Variants in GRIN2A observed in about 807,000 individuals in gnomAD.
GRIN2A encodes glutamate receptor ionotropic, NMDA 2A.
A neutral mutation model predicts 113.4 loss-of-function variants in GRIN2A; 22 were observed. The ratio of observed to expected loss-of-function variants is 0.19; its 90% CI spans 0.14 to 0.28. The LOEUF (loss-of-function observed/expected upper bound fraction) is 0.28. GRIN2A is among the 10% of genes least tolerant of loss of function. GRIN2A has a pLI of 1.00. For missense variants in GRIN2A, 1,502 were observed against 1,887.0 expected (o/e 0.80, Z 3.78); for synonymous variants, 827 against 738.4 (o/e 1.12, Z -1.94).
intron 2 of GRIN2A, among the ~76,000 whole-genome samples, chr16:10,154,971 C>T (rs141636673): frequency 1.9e-3 from 287 of 152,302 alleles, no homozygotes; most frequent in Middle Eastern, 0.01. Context: ...GGGAAACATT[C>T]GTTCAAACAG....
intron 2 of GRIN2A, chr16:10,121,483 C>CT (rs992473605): frequency 3.3e-5 from 5 of 151,658 alleles, no homozygotes; most frequent in Admixed American, 2.0e-4. Context: ...AGGCAGAGCC[C>CT]CGGGAGCCCA....
intron 2 of GRIN2A, among the ~76,000 whole-genome samples, chr16:9,968,361 T>C (rs2045602280): frequency 6.6e-6 from 1 of 152,204 alleles, no homozygotes; most frequent in Non-Finnish European, 1.5e-5. Flanking sequence ...TTACCCAGGC[T>C]GGAGTGCAAT....
At chr16:10,179,941 C>T (rs1025801794) in intron 2 of GRIN2A, 57 bp downstream of exon 2, 1 of 1,477,110 alleles carries the variant, frequency 6.8e-7, no homozygotes, top group East Asian at 2.3e-5. Context: ...CCTGCAGCAG[C>T]TGCCATGCAG....
chr16:10,166,907 A>ATGAT (rs879913567), intron 2 of GRIN2A, among the ~76,000 whole-genome samples: 7 of 152,296 alleles, frequency 4.6e-5, no homozygotes, highest in Admixed American at 6.5e-5. Flanking sequence ...TTTCTTCCTT[A>ATGAT]CGATTTTCCT....
At chr16:9,902,653 T>C (rs1596561647) in intron 3 of GRIN2A, among the ~76,000 whole-genome samples, 1 of 152,330 alleles carries the variant, frequency 6.6e-6, no homozygotes, top group South Asian at 2.1e-4. Flanking sequence ...TTAACCTCCC[T>C]ACACCTCAGT....
rs56411099 is a variant in GRIN2A at position 9,826,619 on chromosome 16, G to T, written c.2007+2804C>A. ...TGATTTTTTTTTGCAGACTTTCTTG[G>T]TGTATCTTCTATTAATCTTCTGGGA... On this transcript the variant is annotated intron_variant, in intron 9 of 12. Transcript: ENST00000330684. Among the ~76,000 whole-genome samples the T allele has an allele frequency of 3.2e-3, 483 of 152,114 alleles. 1 individual carries two copies. Among genetic ancestry groups the T allele is most frequent in the African/African-American group, 0.011 (470 of 41,498 alleles).
chr16:10,151,083 G>T (rs1171159301), intron 2 of GRIN2A, among the ~76,000 whole-genome samples: 1 of 152,226 alleles, frequency 6.6e-6, no homozygotes, highest in Admixed American at 6.5e-5. Context: ...TTCTTTGGCT[G>T]CATAGCAACC....
intron 2 of GRIN2A, among the ~76,000 whole-genome samples, chr16:10,014,836 A>G (rs964429422): frequency 1.3e-5 from 2 of 152,248 alleles, no homozygotes; most frequent in Non-Finnish European, 2.9e-5. Flanking sequence ...GACTTTATCA[A>G]CAAGTAATGG....
intron 2 of GRIN2A, among the ~76,000 whole-genome samples, chr16:10,055,478 G>A (rs915557289): frequency 3.3e-5 from 5 of 152,156 alleles, no homozygotes; most frequent in African/African-American, 9.7e-5. Context: ...ACAATAATAG[G>A]ATGACTTCTC....
At chr16:9,924,098 G>A (rs1459979463) in intron 3 of GRIN2A, among the ~76,000 whole-genome samples, 1 of 128,408 alleles carries the variant, frequency 7.8e-6, no homozygotes, top group Non-Finnish European at 1.6e-5. Context: ...GCAGCAGAGT[G>A]AGACTTGGTC....
At chr16:10,129,437 G>A (rs1221140026) in intron 2 of GRIN2A, among the ~76,000 whole-genome samples, 1 of 152,126 alleles carries the variant, frequency 6.6e-6, no homozygotes, top group African/African-American at 2.4e-5. Context: ...AGAAAATGAA[G>A]CTGAGTAATG....
chr16:9,758,406 C>G lies in GRIN2A; in HGVS notation c.*4743G>C, dbSNP rs956329492. On this transcript the variant is annotated 3_prime_UTR_variant, in exon 13 of 13. Coordinates refer to ENST00000330684, the MANE Select transcript of GRIN2A (RefSeq NM_001134407.3). ...AAGAAGGGGCCAAGAACGCCAACACCCATATTCTACTTAGGCTCTGTCATC... is the reference window on the plus strand; with the variant it reads ...AAGAAGGGGCCAAGAACGCCAACACGCATATTCTACTTAGGCTCTGTCATC... The G allele has an allele frequency of 1.3e-5, 3 of 222,374 alleles. No individual in the cohort carries two copies. The highest frequency in any genetic ancestry group is 1.8e-4 in the South Asian group (1 of 5,434). The allele number at this position is 222,374 out of a possible 1,614,324, so 13.8% of individuals were successfully genotyped here. A position where few individuals can be genotyped will look rare whatever the true frequency, so the allele number is the denominator to read the frequency against.
intron 2 of GRIN2A, among the ~76,000 whole-genome samples, chr16:10,131,907 T>G (rs1395101777): frequency 1.3e-5 from 2 of 152,208 alleles, no homozygotes; most frequent in Non-Finnish European, 2.9e-5. Flanking sequence ...TGTTATTATT[T>G]TACTTATGAG....
intron 3 of GRIN2A, among the ~76,000 whole-genome samples, chr16:9,921,935 A>T (rs774210620): frequency 6.6e-6 from 1 of 152,220 alleles, no homozygotes; most frequent in Non-Finnish European, 1.5e-5. Context: ...ACAGAGAAGT[A>T]ATTTATTTTG....
At chr16:9,824,291 A>C (rs1454653442) in intron 9 of GRIN2A, among the ~76,000 whole-genome samples, 1 of 152,248 alleles carries the variant, frequency 6.6e-6, no homozygotes, top group Non-Finnish European at 1.5e-5. Flanking sequence ...TCCACCAAGC[A>C]GTGCCTTAAC....
At position 9,794,225 on chromosome 16, in the gene GRIN2A, T is replaced by C. The variant is rs577055021; in HGVS notation, c.2356+4052A>G. ...ACAGCCTTTTTCCTAGGGAAATGCA[T>C]GGCAGGCTTCATGTAAGAGGTTCCC... On this transcript the variant is annotated intron_variant, in intron 11 of 12. Transcript: ENST00000330684. Among the ~76,000 whole-genome samples, 90 of 152,340 alleles carry C rather than the reference T, an allele frequency of 5.9e-4. 1 individual carries two copies. Among genetic ancestry groups the C allele is most frequent in the Non-Finnish European group, 4.4e-4 (30 of 68,030 alleles).
At chr16:9,910,382 CAAAG>C (rs1466992580) in intron 3 of GRIN2A, among the ~76,000 whole-genome samples, 2 of 151,734 alleles carry the variant, frequency 1.3e-5, no homozygotes, top group East Asian at 3.9e-4. Context: ...TTTTCCACAA[CAAAG>C]AATCATTTTA....
chr16:9,834,070 A>G (rs749218589), intron 8 of GRIN2A, 35 bp downstream of exon 8: 3 of 1,607,376 alleles, frequency 1.9e-6, no homozygotes, highest in African/African-American at 2.7e-5. Context: ...TGAAATTGCA[A>G]CAACATTGAA....
intron 2 of GRIN2A, among the ~76,000 whole-genome samples, chr16:10,006,884 G>C (rs781235127): frequency 1.3e-5 from 2 of 152,024 alleles, no homozygotes; most frequent in Non-Finnish European, 2.9e-5. Flanking sequence ...AACATGCAAA[G>C]TTTGTCTTTC....
Sources: allele counts gnomAD v4.1 joint callset (sites outside exome capture counted in the v4.1 genomes callset), GRCh38; gene constraint gnomAD v4.1.1; transcripts MANE v1.5; gene names NCBI Gene and HGNC (gene_info 2026-07-23, HGNC 2026-07-21).